Variants in SNX31 observed in about 807,000 individuals in gnomAD.
SNX31 encodes the protein sorting nexin 31.
In SNX31, 58 loss-of-function variants were observed where a neutral mutation model predicts 65.4. That is an observed-to-expected ratio of 0.89 (90% CI 0.72 to 1.10). SNX31 has a LOEUF of 1.10. SNX31 is among the 50% of genes least tolerant of loss of function. The pLI is 0.00. For missense variants in SNX31, 523 were observed against 529.7 expected (o/e 0.99, Z 0.12); for synonymous variants, 181 against 190.1 (o/e 0.95, Z 0.39).
At chr8:100,644,346 C>T (rs1029104782) in intron 2 of SNX31, among the ~76,000 whole-genome samples, 16 of 152,240 alleles carry the variant, frequency 1.1e-4, no homozygotes, top group African/African-American at 2.9e-4. Context: ...AGGATGGCCT[C>T]ATCTGTAACT....
rs957251036 is a variant in SNX31 at position 100,622,474 on chromosome 8, A to G, written c.322-4744T>C. On this transcript the variant is annotated intron_variant, in intron 4 of 13. Coordinates refer to ENST00000311812, the MANE Select transcript of SNX31 (RefSeq NM_152628.4). The surrounding 1 kb of genome is among the most constrained non-coding windows in gnomAD (Gnocchi z 5.0). ...CGAGACCAGCCTGGCCAACATGGTG[A>G]AACACTGTCTCTACTAAAATACAGA... Among the ~76,000 whole-genome samples the G allele has an allele frequency of 5.3e-5, 8 of 152,046 alleles. No individual in the cohort carries two copies. Among genetic ancestry groups the G allele is most frequent in the African/African-American group, 1.9e-4 (8 of 41,384 alleles).
Position 100,626,988 on chromosome 8 carries a change from T to C in SNX31, c.321+3339A>G, listed in dbSNP as rs1818080758. 6.6e-6 allele frequency among the ~76,000 whole-genome samples: 1 copy of C among 152,194 alleles called. No homozygotes were observed. Among genetic ancestry groups the C allele is most frequent in the Admixed American group, 6.6e-5 (1 of 15,264 alleles). ...CAGCTAGAGGTATAAGGCTTTTGTA[T>C]GAAGTCACAAAGGCAAAATATTAAG... On this transcript the variant is annotated intron_variant, in intron 4 of 13. Coordinates refer to ENST00000311812, the MANE Select transcript of SNX31 (RefSeq NM_152628.4). The surrounding 1 kb of genome is among the most constrained non-coding windows in gnomAD (Gnocchi z 4.4).
In SNX31 at chr8:100,574,431, A is replaced by C. The variant is rs573998117; in HGVS notation, c.1228-471T>G. On this transcript the variant is annotated intron_variant, in intron 13 of 13. Transcript: ENST00000311812. ...GGCAGATCACGAGTTCAGGAGATCA[A>C]GACCACCCTGGCCAACGTGGTGAAA... Among the ~76,000 whole-genome samples the C allele has an allele frequency of 5.3e-5, 8 of 152,316 alleles. No individual in the cohort carries two copies. In the South Asian group the frequency reaches 1.7e-3, roughly 32 times the overall value.
At chr8:100,602,137 CT>C in intron 8 of SNX31, among the ~76,000 whole-genome samples, 1 of 152,360 alleles carries the variant, frequency 6.6e-6, no homozygotes. Context: ...TGCCCAGTGT[CT>C]TACATATGGC....
Position 100,628,764 on chromosome 8 carries a change from G to A in SNX31, c.321+1563C>T, listed in dbSNP as rs1245217245. On this transcript the variant is annotated intron_variant, in intron 4 of 13. Coordinates refer to ENST00000311812, the MANE Select transcript of SNX31 (RefSeq NM_152628.4). ...ATAATAATAAAATTTTTTTAAAAAA[G>A]CAAGTTGAAAAAATGTGTTGAGTGT... 5.9e-5 allele frequency among the ~76,000 whole-genome samples: 9 copies of A among 151,572 alleles called. No individual in the cohort carries two copies. In the East Asian group the frequency reaches 1.7e-3, roughly 29 times the overall value.
At chr8:100,619,723 A>G (rs1361392544) in intron 4 of SNX31, 1 of 152,270 alleles carries the variant, frequency 6.6e-6, no homozygotes, top group African/African-American at 2.4e-5. Context: ...GATTGAGGTC[A>G]CAGCCTTTCT....
At position 100,660,616 on chromosome 8, in the gene SNX31, A is replaced by T. The variant is rs1384004744; in HGVS notation, c.-58+2526T>A. On this transcript the variant is annotated intron_variant, in intron 1 of 5. Transcript: ENST00000520352. This position sits in a 1 kb window ranked among gnomAD's most constrained non-coding sequence, Gnocchi z 4.1. Reference sequence around the variant, plus strand: ...GACAGAAGAAGGTTCTGTAGGGGTCAAACTTGATGCCCAGAAAGTTCCTAT... The same window carrying T: ...GACAGAAGAAGGTTCTGTAGGGGTCTAACTTGATGCCCAGAAAGTTCCTAT... 2.6e-5 allele frequency among the ~76,000 whole-genome samples: 4 copies of T among 152,210 alleles called. No individual in the cohort carries two copies. Among genetic ancestry groups the T allele is most frequent in the Non-Finnish European group, 5.9e-5 (4 of 68,038 alleles).
At chr8:100,602,729 GA>G (rs1406288293) in intron 8 of SNX31, among the ~76,000 whole-genome samples, 2 of 152,206 alleles carry the variant, frequency 1.3e-5, no homozygotes, top group African/African-American at 4.8e-5. Context: ...CTGACGGGTG[GA>G]TGATGCAGAC....
chr8:100,635,013 C>T (rs1421445995), intron 3 of SNX31, among the ~76,000 whole-genome samples: 2 of 151,998 alleles, frequency 1.3e-5, no homozygotes, highest in African/African-American at 4.8e-5. Flanking sequence ...TATAGTTAGC[C>T]ACGATTGTGC....
rs1012484108 is a variant in SNX31, at chr8:100,612,967, G to C, written c.523+28C>G. 3.8e-6 allele frequency: 6 copies of C among 1,599,668 alleles called. No individual in the cohort carries two copies. The highest frequency in any genetic ancestry group is 4.3e-6 in the Non-Finnish European group (5 of 1,167,098). On this transcript the variant is annotated intron_variant, in intron 6 of 13. Coordinates refer to ENST00000311812, the MANE Select transcript of SNX31 (RefSeq NM_152628.4). The surrounding 1 kb of genome is among the most constrained non-coding windows in gnomAD (Gnocchi z 4.3). Reference sequence around the variant, plus strand: ...TCACACCTGTCCACCCCATCTCCTAGCTGATTCATTTGTTCCTTCCTTCTT... The same window carrying C: ...TCACACCTGTCCACCCCATCTCCTACCTGATTCATTTGTTCCTTCCTTCTT...
chr8:100,583,971 A>G, intron 12 of SNX31, 140 bp downstream of exon 12: 1 of 622,542 alleles, frequency 1.6e-6, no homozygotes, highest in Non-Finnish European at 2.7e-6. Context: ...AGGGAAGAGG[A>G]GCTCACTTCT....
intron 5 of SNX31, among the ~76,000 whole-genome samples, chr8:100,615,920 C>T (rs962885057): frequency 1.3e-5 from 2 of 152,020 alleles, no homozygotes; most frequent in Non-Finnish European, 2.9e-5. Context: ...CAGGCACCCG[C>T]CACCACGCCC....
chr8:100,583,964 G>T (rs1813789444), intron 12 of SNX31, 147 bp downstream of exon 12: 2 of 603,802 alleles, frequency 3.3e-6, no homozygotes. Context: ...CTACCAGAGG[G>T]AAGAGGAGCT....
intron 2 of SNX31, among the ~76,000 whole-genome samples, chr8:100,638,135 A>C (rs1818909509): frequency 6.6e-6 from 1 of 152,226 alleles, no homozygotes; most frequent in African/African-American, 2.4e-5. Flanking sequence ...CCTGGGCAAC[A>C]GAGCAAGACT....
In SNX31 at chr8:100,588,161, C is replaced by T. The variant is rs1204422461; in HGVS notation, c.1092+705G>A. ...TACAGTAAAAATACTGAGTTATAAA[C>T]TTATGGGACCACTGCCATATATACA... On this transcript the variant is annotated intron_variant, in intron 11 of 13. Coordinates refer to ENST00000311812, the MANE Select transcript of SNX31 (RefSeq NM_152628.4). The surrounding 1 kb of genome is among the most constrained non-coding windows in gnomAD (Gnocchi z 4.8). Among the ~76,000 whole-genome samples, 1 of 151,790 alleles carries T rather than the reference C, an allele frequency of 6.6e-6. No homozygotes were observed. Among genetic ancestry groups the T allele is most frequent in the African/African-American group, 2.4e-5 (1 of 41,280 alleles).
At chr8:100,608,594 C>T (rs1437487180) in intron 7 of SNX31, 31 bp from the exon 8 acceptor site, 1 of 1,609,544 alleles carries the variant, frequency 6.2e-7, no homozygotes, top group Admixed American at 1.7e-5. Flanking sequence ...AAATTCATTC[C>T]TGTGACATGG....
chr8:100,652,047 C>T (rs112874004), upstream of SNX31, among the ~76,000 whole-genome samples: 704 of 152,088 alleles, frequency 4.6e-3, 6 homozygotes, highest in African/African-American at 0.016. Flanking sequence ...GGTGTGAGCT[C>T]GGCTCACTGC....
At chr8:100,638,827 C>A (rs758516629) in intron 2 of SNX31, among the ~76,000 whole-genome samples, 7 of 152,180 alleles carry the variant, frequency 4.6e-5, no homozygotes, top group Non-Finnish European at 8.8e-5. Flanking sequence ...AATGGATAAG[C>A]AAACTGTGAT....
chr8:100,582,924 A>G (rs1813686374), intron 12 of SNX31, among the ~76,000 whole-genome samples: 1 of 151,518 alleles, frequency 6.6e-6, no homozygotes, highest in Non-Finnish European at 1.5e-5. Flanking sequence ...CGGAGCTTGC[A>G]GTGAGCTGAG....
Sources: gnomAD v4.1 joint callset for allele counts (sites outside exome capture counted in the v4.1 genomes callset) on GRCh38, gnomAD v4.1.1 for gene constraint, Gnocchi (gnomAD v3.1) non-coding constraint, MANE v1.5 for transcripts, NCBI Gene and HGNC (gene_info 2026-07-23, HGNC 2026-07-21) for gene names.